The following THRAP3 variants were observed in gnomAD, a reference collection of about 807,000 sequenced individuals.
THRAP3 encodes the protein thyroid hormone receptor associated protein 3.
THRAP3 carries 16 observed loss-of-function variants against 101.0 expected under a neutral mutation model. The ratio of observed to expected loss-of-function variants is 0.16; its 90% CI spans 0.11 to 0.24. THRAP3 has a LOEUF of 0.24. THRAP3 is among the 10% of genes least tolerant of loss of function. THRAP3 has a pLI of 1.00. For missense variants in THRAP3, 989 were observed against 1,202.7 expected (o/e 0.82, Z 2.63); for synonymous variants, 407 against 422.6 (o/e 0.96, Z 0.45).
intron 1 of THRAP3, among the ~76,000 whole-genome samples, chr1:36,258,066 C>A (rs569213886): frequency 6.6e-6 from 1 of 152,292 alleles, no homozygotes; most frequent in African/African-American, 2.4e-5. Flanking sequence ...GTCTTGAACT[C>A]TGGACCTCGT....
intron 2 of THRAP3, among the ~76,000 whole-genome samples, chr1:36,280,617 A>G (rs1221829465): frequency 3.3e-5 from 5 of 152,352 alleles, no homozygotes; most frequent in East Asian, 1.9e-4. Flanking sequence ...GCTAGGCAGC[A>G]AAGTGTGATA....
At chr1:36,271,191 G>C (rs1645586214) in intron 2 of THRAP3, among the ~76,000 whole-genome samples, 1 of 152,162 alleles carries the variant, frequency 6.6e-6, no homozygotes, top group Non-Finnish European at 1.5e-5. Flanking sequence ...TATTTTTAAA[G>C]TAAGTTCTAC....
At chr1:36,230,342 T>C (rs1249686098) in intron 1 of THRAP3, among the ~76,000 whole-genome samples, 4 of 151,970 alleles carry the variant, frequency 2.6e-5, no homozygotes, top group Non-Finnish European at 5.9e-5. Context: ...GGTCTCAAAC[T>C]CCTGACCTCA....
chr1:36,277,813 G>T (rs548818365), intron 2 of THRAP3, among the ~76,000 whole-genome samples: 1 of 152,086 alleles, frequency 6.6e-6, no homozygotes, highest in Non-Finnish European at 1.5e-5. Context: ...AAGCTGGATC[G>T]CAATGGCACA....
rs772603264 is a variant in THRAP3, at chr1:36,286,544, G to T, written c.314G>T (p.Gly105Val). ...PWGQYNRGGY[G>V]NYRSNWQNYR... ...GGCCAATATAACCGAGGAGGCTATGGAAACTACCGCTCAAATTGGCAGAAT... is the reference window on the plus strand; with the variant it reads ...GGCCAATATAACCGAGGAGGCTATGTAAACTACCGCTCAAATTGGCAGAAT... The change falls in exon 4 of 12, where the codon GGA becomes GTA. Residue 105 changes from glycine to valine, a missense_variant. Physicochemically the swap from Gly to Val is moderately radical, Grantham distance 109 (BLOSUM62 -3). Transcript: ENST00000354618. This position sits in a 1 kb window ranked among gnomAD's most constrained non-coding sequence, Gnocchi z 5.5. 6.2e-7 allele frequency: 1 copy of T among 1,614,124 alleles called. No individual in the cohort carries two copies. Among genetic ancestry groups the T allele is most frequent in the South Asian group, 1.1e-5 (1 of 91,078 alleles).
At chr1:36,240,668 A>G (rs1269320026) in intron 1 of THRAP3, among the ~76,000 whole-genome samples, 4 of 152,060 alleles carry the variant, frequency 2.6e-5, no homozygotes, top group South Asian at 2.1e-4. Context: ...AATATTAACC[A>G]TCACAGCCCT....
At position 36,259,388 on chromosome 1, in the gene THRAP3, A is replaced by G; in HGVS notation, c.-128A>G. 2.5e-6 allele frequency: 1 copy of G among 398,676 alleles called. No homozygotes were observed. The highest frequency in any genetic ancestry group is 4.4e-6 in the Non-Finnish European group (1 of 226,078). The allele number at this position is 398,676 out of a possible 1,614,324, so 24.7% of individuals were successfully genotyped here. A position where few individuals can be genotyped will look rare whatever the true frequency, so the allele number is the denominator to read the frequency against. ...TTATTTTCTCTCATTTCAGAAGTGT[A>G]TGCTGACTTGTAAAGTGAAGAAGCC... On this transcript the variant is annotated 5_prime_UTR_variant, in exon 2 of 12. It removes an upstream start codon present in the reference 5' UTR. Transcript: ENST00000354618.
intron 2 of THRAP3, among the ~76,000 whole-genome samples, chr1:36,277,126 G>A (rs1007040214): frequency 2.3e-4 from 35 of 150,726 alleles, no homozygotes; most frequent in African/African-American, 7.3e-4. Context: ...CTGCCACCAC[G>A]CCTGGCTAAT....
Position 36,301,670 on chromosome 1 carries a change from A to T in THRAP3, c.2620A>T (p.Thr874Ser). 1 of 1,614,108 alleles carries T rather than the reference A, an allele frequency of 6.2e-7. No homozygotes were observed. Among genetic ancestry groups the T allele is most frequent in the Non-Finnish European group, 8.5e-7 (1 of 1,179,976 alleles). ...NREEEWDPEYTPKSKKYYLHD... is the reference protein window; with the variant it reads ...NREEEWDPEYSPKSKKYYLHD... ...GGAAGAGGAGTGGGACCCAGAGTAC[A>T]CACCCAAAAGCAAGAAGTATTACTT... The change falls in exon 11 of 12, where the codon ACA becomes TCA. Residue 874 changes from threonine to serine, a missense_variant. Thr to Ser is a moderately conservative substitution (Grantham distance 58, BLOSUM62 1). Transcript: ENST00000354618.
At chr1:36,303,112 A>AT (rs397936228) in intron 11 of THRAP3, among the ~76,000 whole-genome samples, 14,863 of 125,192 alleles carry the variant, frequency 0.12, 844 homozygotes, top group Middle Eastern at 0.24. Flanking sequence ...TGCCTGGCTA[A>AT]TTTTTTTTTT....
At chr1:36,218,308 G>T in the THRAP3 span, among the ~76,000 whole-genome samples, 29 of 149,894 alleles carry the variant, frequency 1.9e-4, no homozygotes, top group African/African-American at 7.1e-4. Context: ...GGCAGAGCCT[G>T]CAGTGAGCAG....
upstream of THRAP3, among the ~76,000 whole-genome samples, chr1:36,222,620 C>G (rs1204064690): frequency 6.6e-6 from 1 of 152,014 alleles, no homozygotes. Context: ...GTTGGCTGGG[C>G]TGATCACGAA....
intron 9 of THRAP3, among the ~76,000 whole-genome samples, chr1:36,300,404 G>A (rs1012317968): frequency 6.6e-6 from 1 of 152,230 alleles, no homozygotes; most frequent in Admixed American, 6.5e-5. Context: ...CTATGTTGGT[G>A]TAAAGTGTTT....
At chr1:36,230,911 G>A (rs1314472529) in intron 1 of THRAP3, among the ~76,000 whole-genome samples, 1 of 152,178 alleles carries the variant, frequency 6.6e-6, no homozygotes, top group Non-Finnish European at 1.5e-5. Context: ...CCATGGATCT[G>A]CTTTTCTGTT....
chr1:36,250,937 G>A (rs1188319781), intron 1 of THRAP3, among the ~76,000 whole-genome samples: 1 of 151,834 alleles, frequency 6.6e-6, no homozygotes, highest in Non-Finnish European at 1.5e-5. Flanking sequence ...AGTAGAGATG[G>A]GGTTTTACCA....
intron 1 of THRAP3, among the ~76,000 whole-genome samples, chr1:36,252,806 C>G (rs1413393421): frequency 6.6e-6 from 1 of 151,348 alleles, no homozygotes; most frequent in Non-Finnish European, 1.5e-5. Flanking sequence ...ACTTGCAAGG[C>G]TGAGGCACAA....
chr1:36,250,318 ATTC>A (rs887871504), intron 1 of THRAP3, among the ~76,000 whole-genome samples: 15 of 151,524 alleles, frequency 9.9e-5, no homozygotes, highest in Admixed American at 8.6e-4. Flanking sequence ...GGTTCAAGCA[ATTC>A]TTCTGCCTCA....
intron 1 of THRAP3, among the ~76,000 whole-genome samples, chr1:36,235,839 A>G (rs1645081356): frequency 1.3e-5 from 2 of 152,176 alleles, no homozygotes; most frequent in Admixed American, 1.3e-4. Context: ...CTTATGGTAC[A>G]TTCATATAGT....
chr1:36,288,734 T>C, intron 4 of THRAP3: 1 of 985,470 alleles, frequency 1.0e-6, no homozygotes, highest in Non-Finnish European at 1.2e-6. Context: ...AGTTATTTTT[T>C]GCCCTAGATC....
Sources: gnomAD v4.1 joint callset for allele counts (sites outside exome capture counted in the v4.1 genomes callset) on GRCh38, gnomAD v4.1.1 for gene constraint, Gnocchi (gnomAD v3.1) non-coding constraint, MANE v1.5 for transcripts, NCBI Gene and HGNC (gene_info 2026-07-23, HGNC 2026-07-21) for gene names.